The following SCIN variants were observed in gnomAD, a reference collection of about 807,000 sequenced individuals.
SCIN encodes the protein adseverin.
SCIN carries 91 observed loss-of-function variants against 91.8 expected under a neutral mutation model. The observed-to-expected ratio is 0.99, with a 90% CI of 0.84 to 1.18. The LOEUF is 1.18. Ranked by LOEUF, SCIN falls within the 50% of genes most tolerant of loss-of-function variation. SCIN has a pLI of 0.00. For synonymous variants in SCIN, 367 were observed against 312.6 expected, an observed-to-expected ratio of 1.17 and a Z score of -1.84; for missense variants, 1,087 against 863.9, an observed-to-expected ratio of 1.26 and a Z score of -3.24.
intron 4 of SCIN, among the ~76,000 whole-genome samples, chr7:12,614,687 T>C (rs780662344): frequency 3.3e-5 from 5 of 152,128 alleles, no homozygotes; most frequent in Non-Finnish European, 7.3e-5. Flanking sequence ...AGCCAGTAAC[T>C]CCCATCCCTC....
rs1017624088 is a variant in SCIN, at chr7:12,644,833, TGTAGAAACC to T, written c.1881+131_1881+139del. On this transcript the variant is annotated intron_variant, in intron 13 of 15. Transcript: ENST00000297029. ...GAGTTCGAGACCAGCCTGACCAACATGTAGAAACCGTCTCTACTAAAAATATAAAAATTA... is the reference window on the plus strand; with the variant it reads ...GAGTTCGAGACCAGCCTGACCAACATGTCTCTACTAAAAATATAAAAATTA... 6.4e-6 allele frequency: 5 copies of T among 777,746 alleles called. No individual in the cohort carries two copies. The African/African-American group carries it at 9.0e-5, about 14-fold the overall frequency. 48.2% of individuals were successfully genotyped at this position (777,746 alleles called of 1,614,324 possible).
chr7:12,612,113 CA>C (rs1783204888), intron 4 of SCIN, among the ~76,000 whole-genome samples: 1 of 151,872 alleles, frequency 6.6e-6, no homozygotes, highest in African/African-American at 2.4e-5. Context: ...GTATGTTTTC[CA>C]AGTAGTTTTA....
chr7:12,625,982 C>T lies in SCIN; in HGVS notation c.981+132C>T, dbSNP rs1783513584. Reference sequence around the variant, plus strand: ...AAGTGATTCTCCACCTGCCTGTCTGCTGCAATCTGGTGTCCCTCTTCTTTA... The same window carrying T: ...AAGTGATTCTCCACCTGCCTGTCTGTTGCAATCTGGTGTCCCTCTTCTTTA... On this transcript the variant is annotated intron_variant, in intron 7 of 15. Transcript: ENST00000297029. 5.0e-6 allele frequency: 3 copies of T among 605,206 alleles called. No homozygotes were observed. In the Admixed American group the frequency reaches 9.7e-5, roughly 20 times the overall value. 37.5% of individuals were successfully genotyped at this position (605,206 alleles called of 1,614,324 possible).
At position 12,651,862 on chromosome 7, in the gene SCIN, G is replaced by C. The variant is rs1482315228; in HGVS notation, c.1981G>C (p.Asp661His). The stretch of plus-strand genomic sequence containing the variant: ...TCAGATATTTATTTGGATTGGCAAA[G>C]ATGCTAATGAAGTTGAGAAAAAAGA... ...WEQIFIWIGK[D>H]ANEVEKKESL... The change falls in exon 15 of 16, where the codon GAT (aspartate) becomes CAT (histidine). Residue 661 changes from aspartate to histidine, a missense_variant. Coordinates refer to ENST00000297029, the MANE Select transcript of SCIN (RefSeq NM_001112706.3). The surrounding 1 kb of genome is among the most constrained non-coding windows in gnomAD (Gnocchi z 5.9). 8 of 1,599,328 alleles carry C rather than the reference G, an allele frequency of 5.0e-6. No individual in the cohort carries two copies. Among genetic ancestry groups the C allele is most frequent in the Non-Finnish European group, 6.8e-6 (8 of 1,170,282 alleles).
intron 4 of SCIN, among the ~76,000 whole-genome samples, chr7:12,606,152 C>A (rs1023516629): frequency 6.6e-5 from 10 of 152,170 alleles, no homozygotes; most frequent in African/African-American, 1.9e-4. Flanking sequence ...ATGTTTGCAC[C>A]AGTTGCTACT....
chr7:12,630,750 G>A (rs1274440663), intron 9 of SCIN, among the ~76,000 whole-genome samples: 2 of 152,202 alleles, frequency 1.3e-5, no homozygotes, highest in African/African-American at 2.4e-5. Flanking sequence ...GACAGATTAA[G>A]TAATTTAACT....
intron 2 of SCIN, among the ~76,000 whole-genome samples, chr7:12,580,489 C>A (rs757623807): frequency 3.9e-5 from 6 of 152,088 alleles, no homozygotes; most frequent in African/African-American, 1.4e-4. Context: ...ATAGTAAGAC[C>A]TGTTTACCAG....
chr7:12,626,503 C>A, intron 7 of SCIN, 81 bp from the exon 8 acceptor site: 1 of 1,107,428 alleles, frequency 9.0e-7, no homozygotes, highest in Non-Finnish European at 1.3e-6. Flanking sequence ...CATTTCCTTA[C>A]TTTTGTCTCC....
rs376581273 is a variant in SCIN at position 12,573,327 on chromosome 7, G to T, written c.199+2342G>T. ...AGAGAAACTAAAGTTAAACTGAGAT[G>T]AAAAAAGGTGCATAGCATAGAAATG... On this transcript the variant is annotated intron_variant, in intron 1 of 15. Transcript: ENST00000297029. Among the ~76,000 whole-genome samples, 107 of 152,122 alleles carry T rather than the reference G, an allele frequency of 7.0e-4. 1 individual carries two copies. Among genetic ancestry groups the T allele is most frequent in the African/African-American group, 2.4e-3 (98 of 41,516 alleles).
chr7:12,631,027 G>A (rs1783631997), intron 9 of SCIN, among the ~76,000 whole-genome samples: 1 of 152,078 alleles, frequency 6.6e-6, no homozygotes, highest in Non-Finnish European at 1.5e-5. Flanking sequence ...ATAATTGATT[G>A]TGGTACTTAC....
intron 10 of SCIN, among the ~76,000 whole-genome samples, chr7:12,638,005 C>A (rs564080246): frequency 1.6e-4 from 25 of 152,268 alleles, no homozygotes; most frequent in Admixed American, 4.6e-4. Context: ...CTGTTTCTAG[C>A]CTGGTTCAAT....
chr7:12,632,235 A>G (rs112076981), intron 9 of SCIN, among the ~76,000 whole-genome samples: 48 of 151,820 alleles, frequency 3.2e-4, no homozygotes, highest in African/African-American at 1.1e-3. Flanking sequence ...GGTTCAAGCT[A>G]TTCTCCTGCC....
chr7:12,623,762 A>G (rs563771201), intron 5 of SCIN, among the ~76,000 whole-genome samples: 4 of 152,316 alleles, frequency 2.6e-5, no homozygotes, highest in African/African-American at 7.2e-5. Flanking sequence ...GTGATTTTAC[A>G]TGAAGACCAA....
chr7:12,649,356 C>A, intron 13 of SCIN, 111 bp from the exon 14 acceptor site: 8 of 536,404 alleles, frequency 1.5e-5, no homozygotes, highest in South Asian at 4.3e-5. Flanking sequence ...AAAAAATTAC[C>A]ACCAAATTTT....
chr7:12,571,552 C>G (rs372309215), intron 1 of SCIN: 1 of 466,300 alleles, frequency 2.1e-6, no homozygotes, highest in East Asian at 7.0e-5. Flanking sequence ...CAGGATTCTA[C>G]CCGCACCATG....
chr7:12,600,813 C>G (rs997346499), intron 3 of SCIN, among the ~76,000 whole-genome samples: 1 of 152,128 alleles, frequency 6.6e-6, no homozygotes, highest in Non-Finnish European at 1.5e-5. Flanking sequence ...GGATAGGGCT[C>G]ACATCTCTGT....
At chr7:12,588,574 G>GGA (rs1312617770) in intron 3 of SCIN, among the ~76,000 whole-genome samples, 2 of 151,814 alleles carry the variant, frequency 1.3e-5, no homozygotes, top group Non-Finnish European at 2.9e-5. Context: ...TTTATATGGG[G>GGA]GAGAGAGACC....
chr7:12,597,017 C>G (rs1782856984), intron 3 of SCIN, among the ~76,000 whole-genome samples: 1 of 152,184 alleles, frequency 6.6e-6, no homozygotes, highest in Non-Finnish European at 1.5e-5. Flanking sequence ...GCACACCACT[C>G]CATTCATCTT....
At chr7:12,634,358 G>C (rs563925148) in intron 9 of SCIN, among the ~76,000 whole-genome samples, 1 of 152,148 alleles carries the variant, frequency 6.6e-6, no homozygotes, top group African/African-American at 2.4e-5. Flanking sequence ...AGTGGTGTAT[G>C]CCTGTAGTCC....
Sources: gnomAD v4.1 joint callset for allele counts (sites outside exome capture counted in the v4.1 genomes callset) on GRCh38, gnomAD v4.1.1 for gene constraint, Gnocchi (gnomAD v3.1) non-coding constraint, MANE v1.5 for transcripts, NCBI Gene and HGNC (gene_info 2026-07-23, HGNC 2026-07-21) for gene names.